Variants in ADAMTSL1 observed in about 807,000 individuals in gnomAD.
ADAMTSL1 encodes ADAMTS-like protein 1.
ADAMTSL1 carries 126 observed loss-of-function variants against 201.8 expected under a neutral mutation model. That is an observed-to-expected ratio of 0.62 (90% CI 0.54 to 0.72). ADAMTSL1 has a LOEUF of 0.72. Among genes scored for constraint, ADAMTSL1 ranks in the 30% least tolerant of loss-of-function variants. The pLI, the probability that ADAMTSL1 is intolerant of heterozygous loss-of-function variation, is 0.00. For synonymous variants in ADAMTSL1, 1,121 were observed against 903.4 expected (o/e 1.24, Z -4.32); for missense variants, 2,679 against 2,277.8 (o/e 1.18, Z -3.59).
chr9:18,134,142 G>A (rs1400515269), intron 1 of ADAMTSL1, among the ~76,000 whole-genome samples: 1 of 152,120 alleles, frequency 6.6e-6, no homozygotes, highest in Non-Finnish European at 1.5e-5. Flanking sequence ...GTGCAATTCT[G>A]GTCATTTACT....
chr9:18,018,523 C>G (rs1481574629), intron 1 of ADAMTSL1, among the ~76,000 whole-genome samples: 1 of 152,050 alleles, frequency 6.6e-6, no homozygotes, highest in Admixed American at 6.6e-5. Context: ...CTGTGGTTTT[C>G]TTCTTGAGTG....
chr9:18,296,717 G>T (rs1413305899), intron 2 of ADAMTSL1, among the ~76,000 whole-genome samples: 1 of 152,104 alleles, frequency 6.6e-6, no homozygotes, highest in Non-Finnish European at 1.5e-5. Context: ...TCCTTTGCTG[G>T]AATAGCTGGC....
At chr9:18,391,511 T>C (rs1441468474) in intron 2 of ADAMTSL1, among the ~76,000 whole-genome samples, 3 of 152,142 alleles carry the variant, frequency 2.0e-5, no homozygotes, top group Non-Finnish European at 4.4e-5. Flanking sequence ...AGTGGTGCCA[T>C]AATAGCTCAC....
intron 1 of ADAMTSL1, among the ~76,000 whole-genome samples, chr9:18,083,832 G>T (rs908422733): frequency 9.2e-5 from 14 of 152,134 alleles, no homozygotes; most frequent in African/African-American, 3.4e-4. Flanking sequence ...TCTTGCTCTA[G>T]CTCTAAACAT....
At chr9:18,163,390 A>C (rs1233902434) in intron 1 of ADAMTSL1, among the ~76,000 whole-genome samples, 3 of 152,052 alleles carry the variant, frequency 2.0e-5, no homozygotes, top group Non-Finnish European at 4.4e-5. Flanking sequence ...AAAGCACTTG[A>C]ATAGCCCAGG....
At chr9:18,714,674 G>A (rs56791750) in intron 14 of ADAMTSL1, among the ~76,000 whole-genome samples, 1 of 151,094 alleles carries the variant, frequency 6.6e-6, no homozygotes, top group Non-Finnish European at 1.5e-5. Flanking sequence ...GAGGTACAAG[G>A]AGGAACTGGT....
intron 2 of ADAMTSL1, among the ~76,000 whole-genome samples, chr9:18,277,848 A>G (rs1452538159): frequency 2.0e-5 from 3 of 152,174 alleles, no homozygotes; most frequent in African/African-American, 7.2e-5. Context: ...TTTCTGAAGG[A>G]ACAAGTAATT....
chr9:18,642,154 C>G (rs1431711981), intron 7 of ADAMTSL1, among the ~76,000 whole-genome samples: 1 of 151,924 alleles, frequency 6.6e-6, no homozygotes, highest in Non-Finnish European at 1.5e-5. Flanking sequence ...ACACAGAGGC[C>G]ATGACTATCT....
intron 2 of ADAMTSL1, among the ~76,000 whole-genome samples, chr9:18,333,954 T>A (rs1586911709): frequency 6.6e-6 from 1 of 152,180 alleles, no homozygotes; most frequent in Non-Finnish European, 1.5e-5. Context: ...AGGCCCCAAT[T>A]CTAAGAATCA....
At chr9:18,807,273 C>T (rs1393086689) in intron 20 of ADAMTSL1, among the ~76,000 whole-genome samples, 1 of 152,110 alleles carries the variant, frequency 6.6e-6, no homozygotes, top group Non-Finnish European at 1.5e-5. Context: ...AGAATGTAAA[C>T]CCTATCAATT....
chr9:18,905,845 C>T lies in ADAMTSL1; in HGVS notation c.4915C>T (p.Arg1639Trp), dbSNP rs199854068. Residue 1639 changes from arginine (R) to tryptophan (W), a missense_variant, in exon 27 of 29, where the codon CGG (arginine) becomes TGG (tryptophan). By Grantham distance (101) the Arg-to-Trp change is moderately radical. Transcript: ENST00000380548. ...ACACAGACAAGTCTTCTGCCAGACA[C>T]GGGATGGCATCACCTTACCATCAGA... ...VQHRQVFCQTRDGITLPSEQC... is the reference protein window; with the variant it reads ...VQHRQVFCQTWDGITLPSEQC... 211 of 1,613,418 alleles carry T rather than the reference C, an allele frequency of 1.3e-4. No individual in the cohort carries two copies. The highest frequency in any genetic ancestry group is 4.5e-4 in the Admixed American group (27 of 59,974).
chr9:18,811,222 A>G (rs149746272), intron 20 of ADAMTSL1, among the ~76,000 whole-genome samples: 252 of 152,160 alleles, frequency 1.7e-3, no homozygotes, highest in African/African-American at 5.7e-3. Flanking sequence ...GCCAGCCTCA[A>G]ATGAGGTGCC....
intron 1 of ADAMTSL1, among the ~76,000 whole-genome samples, chr9:18,497,969 T>A (rs1471224185): frequency 6.6e-6 from 1 of 152,248 alleles, no homozygotes; most frequent in Non-Finnish European, 1.5e-5. Flanking sequence ...TGAAGCTGTT[T>A]TAATTTCATC....
At chr9:18,853,918 T>TGTGTGTGTGTGTGCGCAC (rs139332733) in intron 23 of ADAMTSL1, among the ~76,000 whole-genome samples, 4 of 145,490 alleles carry the variant, frequency 2.7e-5, no homozygotes, top group African/African-American at 1.0e-4. Context: ...TGTGTGTGTG[T>TGTGTGTGTGTGTGCGCAC]GCGCGTGCAT....
At chr9:18,608,071 A>T (rs1377502637) in intron 4 of ADAMTSL1, among the ~76,000 whole-genome samples, 1 of 152,114 alleles carries the variant, frequency 6.6e-6, no homozygotes, top group Non-Finnish European at 1.5e-5. Context: ...GCCAAATTTG[A>T]TTGTGGTGTG....
At chr9:18,318,682 A>T (rs1361810365) in intron 2 of ADAMTSL1, among the ~76,000 whole-genome samples, 1 of 151,662 alleles carries the variant, frequency 6.6e-6, no homozygotes, top group Non-Finnish European at 1.5e-5. Flanking sequence ...TACCCCAGAG[A>T]TTCTGATGTC....
chr9:18,776,833 G>C lies in ADAMTSL1; in HGVS notation c.2604G>C (p.Lys868Asn). The C allele has an allele frequency of 6.3e-7, 1 of 1,593,062 alleles. No individual in the cohort carries two copies. The highest frequency in any genetic ancestry group is 8.5e-7 in the Non-Finnish European group (1 of 1,170,140). The change falls in exon 19 of 29, where the codon AAG becomes AAC. Residue 868 changes from lysine (K) to asparagine (N), a missense_variant. Physicochemically the swap from Lys to Asn is moderately conservative, Grantham distance 94. Transcript: ENST00000380548. ...GCCCGCACATCGCGGCCGCCAGGAA[G>C]GTCTACATACAGACTCGCAGGCAGA... is the stretch of plus-strand genomic sequence containing the variant. ...KHSPHIAAAR[K>N]VYIQTRRQRK... is the part of the protein sequence containing the mutation.
rs533769010 is a variant in ADAMTSL1 at position 18,585,331 on chromosome 9, G to A, written c.474+11065G>A. Among the ~76,000 whole-genome samples, 127 of 152,210 alleles carry A rather than the reference G, an allele frequency of 8.3e-4. No homozygotes were observed. The Middle Eastern group carries it at 0.031, about 37-fold the overall frequency. The stretch of plus-strand genomic sequence containing the variant: ...GTGTAAGCTTCACAAAAATTGATGA[G>A]TTTGTTTTCCCAAAGAGATTCAGTG... On this transcript the variant is annotated intron_variant, in intron 4 of 28. Coordinates refer to ENST00000380548, the MANE Select transcript of ADAMTSL1 (RefSeq NM_001040272.6).
chr9:18,558,509 C>G (rs991733395), intron 3 of ADAMTSL1, among the ~76,000 whole-genome samples: 2 of 152,126 alleles, frequency 1.3e-5, no homozygotes, highest in Non-Finnish European at 2.9e-5. Context: ...ATTTATAATC[C>G]TTTGGGTATA....
Sources: gnomAD v4.1 joint callset for allele counts (sites outside exome capture counted in the v4.1 genomes callset) on GRCh38, gnomAD v4.1.1 for gene constraint, MANE v1.5 for transcripts, NCBI Gene and HGNC (gene_info 2026-07-23, HGNC 2026-07-21) for gene names.